Variants in FXYD6 observed in about 807,000 individuals in gnomAD.
FXYD6 encodes the protein FXYD domain-containing ion transport regulator 6.
FXYD6 carries 7 observed loss-of-function variants against 16.7 expected under a neutral mutation model. The observed-to-expected ratio is 0.42, with a 90% CI of 0.24 to 0.79. The LOEUF is 0.79. Among genes scored for constraint, FXYD6 ranks in the 30% least tolerant of loss-of-function variants. The pLI is 0.28. For missense variants in FXYD6, 111 were observed against 116.2 expected, an observed-to-expected ratio of 0.95 and a Z score of 0.21; for synonymous variants, 49 against 43.0, an observed-to-expected ratio of 1.14 and a Z score of -0.54.
intron 1 of FXYD6, among the ~76,000 whole-genome samples, chr11:117,849,772 G>T (rs970768087): frequency 6.6e-6 from 1 of 151,838 alleles, no homozygotes; most frequent in East Asian, 1.9e-4. Flanking sequence ...GTAGCTGAAG[G>T]CCTCGCCACT....
At position 117,862,846 on chromosome 11, in the gene FXYD6, C is replaced by G. The variant is rs573106971; in HGVS notation, c.-6+13746G>C. 2.6e-5 allele frequency among the ~76,000 whole-genome samples: 4 copies of G among 152,296 alleles called. No homozygotes were observed. The South Asian group carries it at 6.2e-4, about 24-fold the overall frequency. ...AGATAGGAACTCTTGTCCCTCAGGC[C>G]TGGGCCCTTCAGTGTATCTGTGACT... On this transcript the variant is annotated intron_variant, in intron 1 of 7. Transcript: ENST00000526014.
intron 1 of FXYD6, among the ~76,000 whole-genome samples, chr11:117,852,395 T>C (rs2056630116): frequency 6.6e-6 from 1 of 152,242 alleles, no homozygotes; most frequent in African/African-American, 2.4e-5. Context: ...TGAAAGGTAG[T>C]TTGGCTATGT....
intron 1 of FXYD6, among the ~76,000 whole-genome samples, chr11:117,855,932 C>T (rs1287978326): frequency 6.6e-6 from 1 of 152,198 alleles, no homozygotes; most frequent in Non-Finnish European, 1.5e-5. Flanking sequence ...GAGAATGGAA[C>T]CAATCACACG....
At chr11:117,854,214 C>T (rs1169283930) in intron 1 of FXYD6, among the ~76,000 whole-genome samples, 1 of 152,148 alleles carries the variant, frequency 6.6e-6, no homozygotes, top group African/African-American at 2.4e-5. Flanking sequence ...ATCTTAGGGG[C>T]CATGGTGTGA....
intron 1 of FXYD6, among the ~76,000 whole-genome samples, chr11:117,853,566 C>T (rs565778646): frequency 1.9e-4 from 29 of 152,162 alleles, no homozygotes; most frequent in Non-Finnish European, 3.8e-4. Context: ...GGCACAATCT[C>T]GGCTCATTGC....
chr11:117,870,222 C>G lies in FXYD6; in HGVS notation c.-6+6370G>C, dbSNP rs1191658416. ...GGGATTCAGGCCTCCTGCCTGCCAGCACAGGGGCTGAGGCCCCTCTGGTTC... is the reference window on the plus strand; with the variant it reads ...GGGATTCAGGCCTCCTGCCTGCCAGGACAGGGGCTGAGGCCCCTCTGGTTC... On this transcript the variant is annotated intron_variant, in intron 1 of 7. Transcript: ENST00000526014. The surrounding 1 kb of genome is among the most constrained non-coding windows in gnomAD (Gnocchi z 4.2). 2.0e-5 allele frequency among the ~76,000 whole-genome samples: 3 copies of G among 152,282 alleles called. No individual in the cohort carries two copies. The highest frequency in any genetic ancestry group is 2.0e-4 in the Admixed American group (3 of 15,294).
chr11:117,837,901 G>A lies in FXYD6; in HGVS notation c.*398C>T. 1 of 379,902 alleles carries A rather than the reference G, an allele frequency of 2.6e-6. No homozygotes were observed. The highest frequency in any genetic ancestry group is 3.8e-5 in the Admixed American group (1 of 26,036). 23.5% of individuals were successfully genotyped at this position (379,902 alleles called of 1,614,324 possible). On this transcript the variant is annotated 3_prime_UTR_variant, in exon 8 of 8. Transcript: ENST00000526014. This position sits in a 1 kb window ranked among gnomAD's most constrained non-coding sequence, Gnocchi z 4.4. ...AGCCTCCTAGGAGCAGAAGGTGATG[G>A]AGGGCCACGGGGGCAGGGAGGAGCA... is the stretch of plus-strand genomic sequence containing the variant.
intron 1 of FXYD6, among the ~76,000 whole-genome samples, chr11:117,876,261 G>T (rs2057262206): frequency 6.6e-6 from 1 of 152,070 alleles, no homozygotes; most frequent in Non-Finnish European, 1.5e-5. Context: ...TAAAGGGTGG[G>T]CGCAGCCCTT....
intron 4 of FXYD6, 112 bp downstream of exon 4, chr11:117,841,679 G>C: frequency 1.7e-6 from 2 of 1,205,320 alleles, no homozygotes; most frequent in Non-Finnish European, 2.4e-6. Context: ...CGGAGGGCAG[G>C]CAGCCTCCTT....
In FXYD6 at chr11:117,871,229, C is replaced by A. The variant is rs193108928; in HGVS notation, c.-6+5363G>T. 1.2e-4 allele frequency among the ~76,000 whole-genome samples: 18 copies of A among 152,252 alleles called. No individual in the cohort carries two copies. The East Asian group carries it at 3.5e-3, about 29-fold the overall frequency. On this transcript the variant is annotated intron_variant, in intron 1 of 7. Coordinates refer to ENST00000526014, the MANE Select transcript of FXYD6 (RefSeq NM_022003.4). ...CAAAGCAAGTGGGAGACTGAGGTGACGCACGGTAATAAAGGGATGTGCATC... is the reference window on the plus strand; with the variant it reads ...CAAAGCAAGTGGGAGACTGAGGTGAAGCACGGTAATAAAGGGATGTGCATC...
rs1226023261 is a variant in FXYD6 at position 117,872,547 on chromosome 11, G to C, written c.-6+4045C>G. On this transcript the variant is annotated intron_variant, in intron 1 of 7. Coordinates refer to ENST00000526014, the MANE Select transcript of FXYD6 (RefSeq NM_022003.4). The surrounding 1 kb of genome is among the most constrained non-coding windows in gnomAD (Gnocchi z 4.9). ...ACCTTAGCCTCTGGTCTCTCAGTGTGGGCCTGGCTTTGTCCTCCAGCTGCG... is the reference window on the plus strand; with the variant it reads ...ACCTTAGCCTCTGGTCTCTCAGTGTCGGCCTGGCTTTGTCCTCCAGCTGCG... 6.6e-6 allele frequency among the ~76,000 whole-genome samples: 1 copy of C among 152,184 alleles called. No homozygotes were observed. The highest frequency in any genetic ancestry group is 1.5e-5 in the Non-Finnish European group (1 of 68,020).
chr11:117,867,810 G>T (rs1440080801), intron 1 of FXYD6, among the ~76,000 whole-genome samples: 2 of 151,596 alleles, frequency 1.3e-5, no homozygotes, highest in Non-Finnish European at 2.9e-5. Flanking sequence ...AACCCTGGTT[G>T]TACCTTAGGA....
intron 1 of FXYD6, among the ~76,000 whole-genome samples, chr11:117,862,090 C>T (rs1325786027): frequency 6.6e-6 from 1 of 152,116 alleles, no homozygotes; most frequent in African/African-American, 2.4e-5. Flanking sequence ...ACTGAAAAGG[C>T]GATGCCCCAG....
chr11:117,850,809 T>C (rs914896928), intron 1 of FXYD6, among the ~76,000 whole-genome samples: 1 of 151,970 alleles, frequency 6.6e-6, no homozygotes, highest in East Asian at 1.9e-4. Context: ...TTTTTTTTTT[T>C]CTTATTCCTT....
intron 1 of FXYD6, among the ~76,000 whole-genome samples, chr11:117,845,112 C>T (rs1049250000): frequency 1.3e-5 from 2 of 152,312 alleles, no homozygotes; most frequent in East Asian, 1.9e-4. Flanking sequence ...ACATTTCATC[C>T]TCCCAAGAAG....
chr11:117,870,065 T>C lies in FXYD6; in HGVS notation c.-6+6527A>G. Among the ~76,000 whole-genome samples the C allele has an allele frequency of 6.6e-6, 1 of 152,192 alleles. No homozygotes were observed. Among genetic ancestry groups the C allele is most frequent in the East Asian group, 1.9e-4 (1 of 5,182 alleles). On this transcript the variant is annotated intron_variant, in intron 1 of 7. Coordinates refer to ENST00000526014, the MANE Select transcript of FXYD6 (RefSeq NM_022003.4). This position sits in a 1 kb window ranked among gnomAD's most constrained non-coding sequence, Gnocchi z 4.2. ...GTCACCTCACCATCACTGACAACCG[T>C]GACACTGTGGCATCCCAGCCATCAC... is the stretch of plus-strand genomic sequence containing the variant.
At chr11:117,848,545 T>C (rs146817565) in intron 1 of FXYD6, among the ~76,000 whole-genome samples, 1 of 152,294 alleles carries the variant, frequency 6.6e-6, no homozygotes, top group East Asian at 1.9e-4. Context: ...AGTACTGGCC[T>C]CACAGAACAA....
chr11:117,859,213 C>T lies in FXYD6; in HGVS notation c.-5-16432G>A, dbSNP rs181607370. ...AGCCAGTGTGTCCCGACCGCAGGTC[C>T]AGCCACACCCAGTTCGGCAGGACAC... On this transcript the variant is annotated intron_variant, in intron 1 of 7. Coordinates refer to ENST00000526014, the MANE Select transcript of FXYD6 (RefSeq NM_022003.4). Among the ~76,000 whole-genome samples the T allele has an allele frequency of 3.6e-4, 55 of 152,356 alleles. No individual in the cohort carries two copies. In the East Asian group the frequency reaches 0.01, roughly 29 times the overall value.
chr11:117,841,563 T>G, intron 4 of FXYD6: 1 of 609,932 alleles, frequency 1.6e-6, no homozygotes. Flanking sequence ...ACCCTGCTCG[T>G]TCCTATCTAT....
Sources: gnomAD v4.1 joint callset for allele counts (sites outside exome capture counted in the v4.1 genomes callset) on GRCh38, gnomAD v4.1.1 for gene constraint, Gnocchi (gnomAD v3.1) non-coding constraint, MANE v1.5 for transcripts, NCBI Gene and HGNC (gene_info 2026-07-23, HGNC 2026-07-21) for gene names.